NAALADL2: variants seen among roughly 807,000 people sequenced by gnomAD.
NAALADL2 encodes the protein N-acetylated alpha-linked acidic dipeptidase like 2.
A neutral mutation model predicts 87.2 loss-of-function variants in NAALADL2; 76 were observed. That is an observed-to-expected ratio of 0.87 (90% CI 0.72 to 1.05). The LOEUF (loss-of-function observed/expected upper bound fraction) is 1.05. Ranked by LOEUF, NAALADL2 falls within the 50% of genes least tolerant of loss-of-function variation. The pLI is 0.00. For synonymous variants in NAALADL2, 354 were observed against 331.0 expected, an observed-to-expected ratio of 1.07 and a Z score of -0.75; for missense variants, 1,089 against 945.8, an observed-to-expected ratio of 1.15 and a Z score of -1.99.
At chr3:175,642,617 C>T (rs1012148891) in intron 11 of NAALADL2, among the ~76,000 whole-genome samples, 3 of 151,994 alleles carry the variant, frequency 2.0e-5, no homozygotes, top group Admixed American at 6.6e-5. Context: ...TCTCCTGCCT[C>T]AGCCTCCCGA....
Position 174,741,041 on chromosome 3 carries a change from A to G in NAALADL2, c.-9+3295A>G, listed in dbSNP as rs578119133. On this transcript the variant is annotated intron_variant, in intron 3 of 3. Coordinates refer to the NAALADL2 transcript ENST00000434257. ...TAAATTAGAACAGTTAAATGGTCTA[A>G]TGGTGATAATTCAATAGGAAAATAA... Among the ~76,000 whole-genome samples the G allele has an allele frequency of 9.9e-5, 15 of 151,916 alleles. 1 individual carries two copies. In the East Asian group the frequency reaches 1.5e-3, roughly 16 times the overall value.
intron 13 of NAALADL2, among the ~76,000 whole-genome samples, chr3:175,787,572 G>C (rs1464937971): frequency 6.6e-6 from 1 of 152,038 alleles, no homozygotes; most frequent in African/African-American, 2.4e-5. Flanking sequence ...GCTTCGGCTC[G>C]CGCACGGTGC....
chr3:175,002,475 A>T (rs1259819422), intron 1 of NAALADL2, among the ~76,000 whole-genome samples: 2 of 152,158 alleles, frequency 1.3e-5, no homozygotes, highest in African/African-American at 4.8e-5. Context: ...TCGATCGTGT[A>T]TTGAAAGAGC....
chr3:175,331,200 A>G (rs1256095092), intron 5 of NAALADL2, among the ~76,000 whole-genome samples: 1 of 152,170 alleles, frequency 6.6e-6, no homozygotes, highest in Admixed American at 6.5e-5. Flanking sequence ...GATGGCTTCA[A>G]TGTTGAATTC....
chr3:174,610,138 C>T (rs1341301896), intron 2 of NAALADL2, among the ~76,000 whole-genome samples: 3 of 150,128 alleles, frequency 2.0e-5, no homozygotes. Flanking sequence ...TGGATCCCTT[C>T]CTTACACTTT....
intron 1 of NAALADL2, among the ~76,000 whole-genome samples, chr3:175,022,705 A>G (rs2108870624): frequency 6.6e-6 from 1 of 152,212 alleles, no homozygotes; most frequent in South Asian, 2.1e-4. Context: ...CTTGCCTGCC[A>G]ACTCTGAAAG....
chr3:174,726,850 C>T (rs1449335653), intron 2 of NAALADL2, among the ~76,000 whole-genome samples: 4 of 152,070 alleles, frequency 2.6e-5, no homozygotes, highest in Non-Finnish European at 4.4e-5. Flanking sequence ...TCTATGTGCT[C>T]GTTATTTCCT....
intron 1 of NAALADL2, among the ~76,000 whole-genome samples, chr3:175,077,945 C>T (rs1243266323): frequency 2.0e-5 from 3 of 151,896 alleles, no homozygotes; most frequent in African/African-American, 7.3e-5. Flanking sequence ...ACCATTTTTG[C>T]TCTAGCCTAT....
Position 175,754,945 on chromosome 3 carries a change from G to T in NAALADL2, c.1991-275G>T, listed in dbSNP as rs188074408. ...TTAATTTAGTAAAATATAAAAACAA[G>T]TTGAGACAGAATGCTTTGGGCAAAA... On this transcript the variant is annotated intron_variant, in intron 12 of 13. Transcript: ENST00000454872. Among the ~76,000 whole-genome samples, 405 of 152,290 alleles carry T rather than the reference G, an allele frequency of 2.7e-3. 1 individual carries two copies. The highest frequency in any genetic ancestry group is 9.1e-3 in the African/African-American group (380 of 41,572).
Position 174,635,633 on chromosome 3 carries a change from G to C in NAALADL2, c.-115+84996G>C, listed in dbSNP as rs149007449. Reference sequence around the variant, plus strand: ...TTCTCCTGCCTCAGCCTGTCAAGTAGCTGGGATTACAGGCATGTGCCACCA... The same window carrying C: ...TTCTCCTGCCTCAGCCTGTCAAGTACCTGGGATTACAGGCATGTGCCACCA... On this transcript the variant is annotated intron_variant, in intron 2 of 3. Coordinates refer to the NAALADL2 transcript ENST00000434257. Among the ~76,000 whole-genome samples the C allele has an allele frequency of 2.6e-3, 388 of 151,906 alleles. 1 individual carries two copies. The highest frequency in any genetic ancestry group is 8.9e-3 in the African/African-American group (367 of 41,436).
At chr3:174,783,850 G>A (rs1349148831) in intron 3 of NAALADL2, among the ~76,000 whole-genome samples, 14 of 151,950 alleles carry the variant, frequency 9.2e-5, no homozygotes, top group Non-Finnish European at 2.9e-5. Flanking sequence ...GACTTCCAGG[G>A]CATCATTTTT....
Position 174,641,974 on chromosome 3 carries a change from G to C in NAALADL2, c.-115+91337G>C, listed in dbSNP as rs535413678. On this transcript the variant is annotated intron_variant, in intron 2 of 3. Coordinates refer to the NAALADL2 transcript ENST00000434257. ...AGGTTTCACCATGTTGGCCAGGCTG[G>C]TCTCAAACTCCTGGGCTGAAGCAAT... Among the ~76,000 whole-genome samples, 3 of 151,974 alleles carry C rather than the reference G, an allele frequency of 2.0e-5. No individual in the cohort carries two copies. In the East Asian group the frequency reaches 5.8e-4, roughly 30 times the overall value.
At chr3:174,667,410 T>A (rs1726061402) in intron 2 of NAALADL2, among the ~76,000 whole-genome samples, 1 of 152,112 alleles carries the variant, frequency 6.6e-6, no homozygotes, top group African/African-American at 2.4e-5. Context: ...TTATCATGAA[T>A]ATACACAGGG....
intron 2 of NAALADL2, among the ~76,000 whole-genome samples, chr3:175,165,936 A>T (rs1733933645): frequency 6.6e-6 from 1 of 151,872 alleles, no homozygotes. Flanking sequence ...CTCTCCTCTC[A>T]GGAATAACTA....
At chr3:175,219,807 T>G (rs972962509) in intron 2 of NAALADL2, among the ~76,000 whole-genome samples, 6 of 151,622 alleles carry the variant, frequency 4.0e-5, no homozygotes, top group Non-Finnish European at 8.8e-5. Context: ...GAACATGATA[T>G]ATCCCTCCAA....
chr3:175,759,685 T>C (rs1747745265), intron 13 of NAALADL2, among the ~76,000 whole-genome samples: 1 of 152,150 alleles, frequency 6.6e-6, no homozygotes, highest in African/African-American at 2.4e-5. Flanking sequence ...AAGTGAAAGA[T>C]GTATGTGGGC....
At chr3:174,661,111 A>G (rs1359255874) in intron 2 of NAALADL2, among the ~76,000 whole-genome samples, 1 of 152,172 alleles carries the variant, frequency 6.6e-6, no homozygotes, top group African/African-American at 2.4e-5. Context: ...GTCTTTGGCA[A>G]CTAAATTGTT....
At chr3:174,512,188 G>A (rs1199831697) in intron 1 of NAALADL2, among the ~76,000 whole-genome samples, 13 of 152,152 alleles carry the variant, frequency 8.5e-5, no homozygotes, top group African/African-American at 1.2e-4. Context: ...TCTGAAAAAC[G>A]TATTTAATTA....
chr3:174,833,605 GA>G (rs2109383574), intron 3 of NAALADL2, among the ~76,000 whole-genome samples: 1 of 151,822 alleles, frequency 6.6e-6, no homozygotes, highest in Admixed American at 6.6e-5. Context: ...AAAACTTCCA[GA>G]AAAAAACTAT....
Sources: gnomAD v4.1 joint callset for allele counts (sites outside exome capture counted in the v4.1 genomes callset) on GRCh38, gnomAD v4.1.1 for gene constraint, MANE v1.5 for transcripts, NCBI Gene and HGNC (gene_info 2026-07-23, HGNC 2026-07-21) for gene names.